The following TLN2 variants were observed in gnomAD, a reference collection of about 807,000 sequenced individuals.
The protein encoded by TLN2 is talin 2.
A neutral mutation model predicts 294.7 loss-of-function variants in TLN2; 118 were observed. That is an observed-to-expected ratio of 0.40 (90% CI 0.34 to 0.47). TLN2 has a LOEUF of 0.47. TLN2 is among the 20% of genes least tolerant of loss of function. The pLI is 0.84. For missense variants in TLN2, 3,083 were observed against 3,282.2 expected, an observed-to-expected ratio of 0.94 and a Z score of 1.48; for synonymous variants, 1,431 against 1,304.5, an observed-to-expected ratio of 1.10 and a Z score of -2.09.
At chr15:62,546,911 GGTCCGTAATA>G (rs2042025356) in intron 1 of TLN2, among the ~76,000 whole-genome samples, 1 of 152,166 alleles carries the variant, frequency 6.6e-6, no homozygotes. Flanking sequence ...CCAAGCCCTT[GGTCCGTAATA>G]CTGCAGTTTG....
chr15:62,751,255 T>C (rs1278688051), intron 34 of TLN2, among the ~76,000 whole-genome samples: 1 of 152,228 alleles, frequency 6.6e-6, no homozygotes, highest in Admixed American at 6.5e-5. Context: ...AGAATGGATG[T>C]CGAGCTGTTG....
intron 9 of TLN2, among the ~76,000 whole-genome samples, chr15:62,670,392 C>A (rs148658764): frequency 3.3e-5 from 5 of 152,188 alleles, no homozygotes; most frequent in African/African-American, 4.8e-5. Context: ...TAAGTCTTTA[C>A]CTCTCTGAAA....
intron 1 of TLN2, among the ~76,000 whole-genome samples, chr15:62,421,203 T>G (rs1400175788): frequency 2.6e-5 from 4 of 152,128 alleles, no homozygotes; most frequent in Admixed American, 6.5e-5. Flanking sequence ...ATTCCGACCC[T>G]CAGTTTGGTC....
chr15:62,747,755 G>A (rs938378355), intron 32 of TLN2, among the ~76,000 whole-genome samples: 3 of 152,186 alleles, frequency 2.0e-5, no homozygotes, highest in Non-Finnish European at 4.4e-5. Flanking sequence ...ACAGCCTACT[G>A]CTGACTGGAA....
intron 1 of TLN2, among the ~76,000 whole-genome samples, chr15:62,553,675 A>AT: frequency 6.6e-6 from 1 of 152,354 alleles, no homozygotes; most frequent in East Asian, 1.9e-4. Context: ...AAATAAATGA[A>AT]TTTTTTAAAT....
intron 1 of TLN2, among the ~76,000 whole-genome samples, chr15:62,441,600 G>A (rs887983170): frequency 1.3e-5 from 2 of 152,228 alleles, no homozygotes. Flanking sequence ...TCAGTGGACA[G>A]CAACTGGATG....
chr15:62,670,581 C>G (rs1432607325), intron 9 of TLN2, among the ~76,000 whole-genome samples: 2 of 152,154 alleles, frequency 1.3e-5, no homozygotes, highest in African/African-American at 4.8e-5. Context: ...TGAAATCATA[C>G]AACTGTTCCT....
chr15:62,675,035 C>A (rs1462329200), intron 10 of TLN2, among the ~76,000 whole-genome samples, 182 bp from the exon 11 acceptor site: 1 of 152,334 alleles, frequency 6.6e-6, no homozygotes, highest in Middle Eastern at 3.4e-3. Flanking sequence ...TGTGTTAGAA[C>A]TTCCTGCATG....
intron 29 of TLN2, 50 bp from the exon 30 acceptor site, chr15:62,738,164 G>A: frequency 1.2e-6 from 2 of 1,601,990 alleles, no homozygotes; most frequent in South Asian, 1.1e-5. Context: ...CCCAACAAAT[G>A]TGCAGAAATG....
intron 1 of TLN2, among the ~76,000 whole-genome samples, chr15:62,484,494 C>T (rs1164430534): frequency 5.9e-5 from 9 of 151,816 alleles, no homozygotes; most frequent in South Asian, 4.2e-4. Context: ...GGCGCGATCT[C>T]GGCTCACTGC....
At chr15:62,503,604 A>T (rs1461966776) in intron 1 of TLN2, among the ~76,000 whole-genome samples, 1 of 152,170 alleles carries the variant, frequency 6.6e-6, no homozygotes, top group East Asian at 1.9e-4. Context: ...GGAAATTCCC[A>T]GGCATCTTGG....
intron 1 of TLN2, among the ~76,000 whole-genome samples, chr15:62,406,873 T>A (rs1321201336): frequency 2.0e-5 from 3 of 152,184 alleles, no homozygotes; most frequent in South Asian, 2.1e-4. Flanking sequence ...CCTAATGATC[T>A]CATTTCAACT....
chr15:62,806,920 G>C (rs1384752095), intron 51 of TLN2, among the ~76,000 whole-genome samples: 3 of 152,170 alleles, frequency 2.0e-5, no homozygotes, highest in Non-Finnish European at 4.4e-5. Context: ...AACTCTTATG[G>C]CTTCTTGGTG....
At chr15:62,499,804 T>C (rs2039208402) in intron 1 of TLN2, among the ~76,000 whole-genome samples, 1 of 151,958 alleles carries the variant, frequency 6.6e-6, no homozygotes, top group South Asian at 2.1e-4. Context: ...AGTTTCTCCA[T>C]GTAGGTCAGG....
chr15:62,512,935 G>A (rs963021458), intron 1 of TLN2, among the ~76,000 whole-genome samples: 8 of 152,140 alleles, frequency 5.3e-5, no homozygotes, highest in Middle Eastern at 3.2e-3. Flanking sequence ...TCCTCTTCCA[G>A]CACTTATTTC....
intron 13 of TLN2, among the ~76,000 whole-genome samples, chr15:62,693,927 C>T (rs1196076797): frequency 6.9e-6 from 1 of 145,570 alleles, no homozygotes; most frequent in Non-Finnish European, 1.5e-5. Context: ...TTTAAAGGTC[C>T]TTGTATGAAG....
intron 45 of TLN2, among the ~76,000 whole-genome samples, chr15:62,788,644 G>T (rs551799258): frequency 6.6e-6 from 1 of 152,158 alleles, no homozygotes; most frequent in Non-Finnish European, 1.5e-5. Flanking sequence ...GCTAGTATGC[G>T]AGCCACTTTA....
chr15:62,404,743 A>G (rs754461052), intron 1 of TLN2, among the ~76,000 whole-genome samples: 18 of 152,156 alleles, frequency 1.2e-4, no homozygotes, highest in Non-Finnish European at 1.8e-4. Context: ...GGGAGATTAC[A>G]TGGAGAGTAC....
intron 3 of TLN2, among the ~76,000 whole-genome samples, chr15:62,627,617 G>A (rs1435052859): frequency 2.0e-5 from 3 of 152,130 alleles, no homozygotes; most frequent in Non-Finnish European, 4.4e-5. Context: ...TTTAAAAGTC[G>A]AAAGAGCAAT....
Sources: gnomAD v4.1 joint callset for allele counts (sites outside exome capture counted in the v4.1 genomes callset) on GRCh38, gnomAD v4.1.1 for gene constraint, MANE v1.5 for transcripts, NCBI Gene and HGNC (gene_info 2026-07-23, HGNC 2026-07-21) for gene names.